ASXL3: variants seen among roughly 807,000 people sequenced by gnomAD.
ASXL3 encodes ASXL transcriptional regulator 3.
Under a neutral mutation model 170.6 loss-of-function variants are expected in ASXL3, and 34 were observed. That is an observed-to-expected ratio of 0.20 (90% CI 0.15 to 0.27). The LOEUF is 0.27. Ranked by LOEUF, ASXL3 falls within the 10% of genes least tolerant of loss-of-function variation. The probability of loss-of-function intolerance (pLI) is 1.00; values close to 1 mark genes in which losing one functional copy is unlikely to be tolerated. For missense variants in ASXL3, 2,592 were observed against 2,695.3 expected, an observed-to-expected ratio of 0.96 and a Z score of 0.85; for synonymous variants, 1,002 against 989.1, an observed-to-expected ratio of 1.01 and a Z score of -0.24.
chr18:33,728,598 G>T (rs1163454556), intron 8 of ASXL3, among the ~76,000 whole-genome samples: 1 of 152,058 alleles, frequency 6.6e-6, no homozygotes, highest in East Asian at 1.9e-4. Flanking sequence ...TTACACTCAA[G>T]GTTGGCCATC....
rs117661115 is a variant in ASXL3, at chr18:33,746,194, G to A, written c.6346G>A (p.Ala2116Thr). ...NEMKEQLKAF[A>T]LKSADFSSYL... ...AATGAAAGAACAGTTAAAAGCATTC[G>A]CGCTAAAAAGTGCAGATTTCTCTTC... The change falls in exon 12 of 12, where the codon GCG becomes ACG. Residue 2116 changes from alanine (A) to threonine (T), a missense_variant. Ala to Thr is a moderately conservative substitution (Grantham distance 58). Around this residue, in one of 4 missense-constraint regions of ASXL3, gnomAD observed 2,246 missense variants for 2,219.6 expected, o/e 1.01. Transcript: ENST00000269197. 4,278 of 1,613,778 alleles carry A rather than the reference G, an allele frequency of 2.7e-3. 14 individuals carry two copies. The highest frequency in any genetic ancestry group is 3.3e-3 in the Non-Finnish European group (3,925 of 1,179,870).
At chr18:33,714,297 G>A (rs1155156) in intron 8 of ASXL3, among the ~76,000 whole-genome samples, 108,794 of 152,034 alleles carry the variant, frequency 0.72, 40,653 homozygotes, top group East Asian at 0.98. Flanking sequence ...AGCACAGCAC[G>A]TTGCCAAGGG....
At chr18:33,649,830 G>A (rs538068760) in intron 4 of ASXL3, among the ~76,000 whole-genome samples, 35 of 152,252 alleles carry the variant, frequency 2.3e-4, no homozygotes, top group South Asian at 6.2e-4. Flanking sequence ...GGAAGTGTAA[G>A]TGATATGAGA....
At chr18:33,666,279 T>C (rs1221377664) in intron 5 of ASXL3, among the ~76,000 whole-genome samples, 1 of 152,218 alleles carries the variant, frequency 6.6e-6, no homozygotes, top group Non-Finnish European at 1.5e-5. Context: ...GTGTCTCATT[T>C]ATATCCCCCC....
chr18:33,579,894 G>A (rs938972690), intron 1 of ASXL3, among the ~76,000 whole-genome samples: 3 of 152,198 alleles, frequency 2.0e-5, no homozygotes, highest in African/African-American at 7.2e-5. Flanking sequence ...TAGTCATTTT[G>A]AAAAGCATTT....
intron 8 of ASXL3, among the ~76,000 whole-genome samples, chr18:33,713,940 T>C (rs2067123689): frequency 1.3e-5 from 2 of 152,334 alleles, no homozygotes; most frequent in South Asian, 4.1e-4. Flanking sequence ...ACTTCAGTGT[T>C]ACATGCTGGT....
chr18:33,747,156 T>A lies in ASXL3; in HGVS notation c.*561T>A, dbSNP rs1016002841. The A allele has an allele frequency of 1.3e-5, 2 of 152,338 alleles. No homozygotes were observed. Among genetic ancestry groups the A allele is most frequent in the South Asian group, 4.1e-4 (2 of 4,836 alleles). 9.4% of individuals were successfully genotyped at this position (152,338 alleles called of 1,614,324 possible). ...TATATTAAAGGAGGTATGCCATTAA[T>A]GAAATCCACTGTCCTGAGTATTATC... On this transcript the variant is annotated 3_prime_UTR_variant, in exon 12 of 12. Coordinates refer to ENST00000269197, the MANE Select transcript of ASXL3 (RefSeq NM_030632.3).
chr18:33,646,323 G>A lies in ASXL3; in HGVS notation c.325G>A (p.Glu109Lys), dbSNP rs1159930365. 6.2e-6 allele frequency: 10 copies of A among 1,609,984 alleles called. No homozygotes were observed. The highest frequency in any genetic ancestry group is 3.4e-5 in the Admixed American group (2 of 59,674). ...TGAATTGGATGGTACAGATATGGCC[G>A]AGGCAAATGCCCATGGAGAAGAAAA... The part of the protein sequence containing the change: ...ESELDGTDMA[E>K]ANAHGEENGV... The change falls in exon 4 of 12, where the codon GAG (glutamate) becomes AAG (lysine). Residue 109 changes from glutamate (E) to lysine (K), a missense_variant. Physicochemically the swap from Glu to Lys is moderately conservative, Grantham distance 56 (BLOSUM62 1). Around this residue, in one of 4 missense-constraint regions of ASXL3, gnomAD observed 251 missense variants for 281.9 expected, o/e 0.89. Transcript: ENST00000269197.
intron 8 of ASXL3, among the ~76,000 whole-genome samples, chr18:33,723,925 C>G (rs568348939): frequency 1.1e-4 from 17 of 152,146 alleles, no homozygotes; most frequent in Non-Finnish European, 2.2e-4. Flanking sequence ...AAGATTATGA[C>G]TCACTGAAAG....
chr18:33,603,361 T>G (rs2065204970), intron 1 of ASXL3, among the ~76,000 whole-genome samples: 1 of 152,036 alleles, frequency 6.6e-6, no homozygotes, highest in South Asian at 2.1e-4. Flanking sequence ...CCCTAAATGA[T>G]TTGGCAAATC....
In ASXL3 at chr18:33,748,080, C is replaced by CATTG. The variant is rs1359506026; in HGVS notation, c.*1494_*1497dup. ...CACAAAATGTGGAGTGCCATTAACCCATTGATTGATTGTGGCTGTAGAATT... is the reference window on the plus strand; with the variant it reads ...CACAAAATGTGGAGTGCCATTAACCCATTGATTGATTGATTGTGGCTGTAGAATT... On this transcript the variant is annotated 3_prime_UTR_variant, in exon 12 of 12. Coordinates refer to ENST00000269197, the MANE Select transcript of ASXL3 (RefSeq NM_030632.3). 1.3e-5 allele frequency: 2 copies of CATTG among 151,206 alleles called. No individual in the cohort carries two copies. Among genetic ancestry groups the CATTG allele is most frequent in the Admixed American group, 6.6e-5 (1 of 15,158 alleles). The allele number at this position is 151,206 out of a possible 1,614,324, so 9.4% of individuals were successfully genotyped here.
chr18:33,622,033 G>C (rs556144573), intron 2 of ASXL3, among the ~76,000 whole-genome samples: 3 of 152,244 alleles, frequency 2.0e-5, no homozygotes, highest in Non-Finnish European at 4.4e-5. Flanking sequence ...ATCAGTAAAT[G>C]AAAGCATTGT....
chr18:33,611,068 A>G (rs1217700059), intron 2 of ASXL3, among the ~76,000 whole-genome samples: 1 of 152,062 alleles, frequency 6.6e-6, no homozygotes, highest in Non-Finnish European at 1.5e-5. Flanking sequence ...CTGAGGTGAA[A>G]TTTGACATTG....
chr18:33,676,883 CAT>C (rs1479621126), intron 7 of ASXL3, among the ~76,000 whole-genome samples: 1 of 152,166 alleles, frequency 6.6e-6, no homozygotes, highest in African/African-American at 2.4e-5. Context: ...GCACTTAGAA[CAT>C]AGATTTGTGA....
intron 10 of ASXL3, among the ~76,000 whole-genome samples, chr18:33,734,749 T>C (rs1004341431): frequency 2.6e-5 from 4 of 152,212 alleles, no homozygotes; most frequent in African/African-American, 9.6e-5. Flanking sequence ...TAATGCTTTA[T>C]AGATAAATAA....
chr18:33,593,663 A>G (rs2065099865), intron 1 of ASXL3, among the ~76,000 whole-genome samples: 1 of 152,176 alleles, frequency 6.6e-6, no homozygotes, highest in Non-Finnish European at 1.5e-5. Flanking sequence ...AAAACCTCAG[A>G]ACCAGGAGGT....
At chr18:33,735,983 G>A (rs780245505) in intron 10 of ASXL3, among the ~76,000 whole-genome samples, 6 of 133,724 alleles carry the variant, frequency 4.5e-5, no homozygotes, top group Non-Finnish European at 9.3e-5. Flanking sequence ...GCTCTGATGT[G>A]TTTCTAAGAG....
intron 2 of ASXL3, among the ~76,000 whole-genome samples, chr18:33,635,699 G>A (rs755517307): frequency 1.2e-4 from 18 of 152,160 alleles, no homozygotes; most frequent in Non-Finnish European, 2.6e-4. Flanking sequence ...TTATGAAAGG[G>A]AGAGTCCCTA....
chr18:33,623,284 T>A (rs1263693222), intron 2 of ASXL3, among the ~76,000 whole-genome samples: 2 of 152,158 alleles, frequency 1.3e-5, no homozygotes, highest in Non-Finnish European at 2.9e-5. Flanking sequence ...GGACTGCAGT[T>A]TGCTTAATTG....
Sources: gnomAD v4.1 joint callset for allele counts (sites outside exome capture counted in the v4.1 genomes callset) on GRCh38, gnomAD v4.1.1 for gene constraint, gnomAD v4.1.1 regional missense constraint, MANE v1.5 for transcripts, NCBI Gene and HGNC (gene_info 2026-07-23, HGNC 2026-07-21) for gene names.